Variants in NLRP13 observed in about 807,000 individuals in gnomAD.
The protein encoded by NLRP13 is NLR family pyrin domain containing 13.
In NLRP13, 82 loss-of-function variants were observed where a neutral mutation model predicts 94.4. The observed-to-expected ratio is 0.87, with a 90% CI of 0.73 to 1.04. The LOEUF is 1.04. Among genes scored for constraint, NLRP13 ranks in the 50% least tolerant of loss-of-function variants. The pLI is 0.00. For missense variants in NLRP13, 1,426 were observed against 1,230.8 expected, an observed-to-expected ratio of 1.16 and a Z score of -2.37; for synonymous variants, 553 against 464.7, an observed-to-expected ratio of 1.19 and a Z score of -2.45.
intron 4 of NLRP13, among the ~76,000 whole-genome samples, chr19:55,913,791 C>T (rs1043553975): frequency 5.3e-5 from 8 of 151,836 alleles, no homozygotes; most frequent in African/African-American, 1.9e-4. Context: ...AAGGTGAATG[C>T]CCACCCAGAA....
chr19:55,930,158 A>G (rs35125257), intron 1 of NLRP13, among the ~76,000 whole-genome samples: 27,990 of 151,938 alleles, frequency 0.18, 2,796 homozygotes, highest in African/African-American at 0.26. Context: ...CCTTCCTTAG[A>G]ACTCACTCAT....
chr19:55,912,799 G>A lies in NLRP13; in HGVS notation c.1018C>T (p.Pro340Ser), dbSNP rs749688788. The change falls in exon 5 of 11, where the codon CCA becomes TCA. Residue 340 changes from proline to serine, a missense_variant. Pro to Ser is a moderately conservative substitution (Grantham distance 74). Coordinates refer to ENST00000342929, the MANE Select transcript of NLRP13 (RefSeq NM_176810.2). ...AAGCTGTGTAGGATTTTGGTCACTG[G>A]GAGCTCCTGGTACCAGTCTGTACAT... ...SPCTDWYQEL[P>S]VTKILHSLLK... 2.5e-6 allele frequency: 4 copies of A among 1,614,080 alleles called. No individual in the cohort carries two copies. In the Admixed American group the frequency reaches 5.0e-5, roughly 20 times the overall value.
chr19:55,902,260 C>A, intron 8 of NLRP13, 55 bp from the exon 9 acceptor site: 1 of 1,547,630 alleles, frequency 6.5e-7, no homozygotes, highest in Non-Finnish European at 8.8e-7. Context: ...CAGACCCAGG[C>A]TCCTGGAACA....
intron 9 of NLRP13, among the ~76,000 whole-genome samples, chr19:55,900,430 G>A (rs1048164308): frequency 6.6e-6 from 1 of 152,174 alleles, no homozygotes; most frequent in African/African-American, 2.4e-5. Context: ...ATCTTAGAGG[G>A]AGAAATTAGT....
At chr19:55,917,453 A>C (rs1986700284) in intron 4 of NLRP13, among the ~76,000 whole-genome samples, 1 of 152,158 alleles carries the variant, frequency 6.6e-6, no homozygotes, top group Non-Finnish European at 1.5e-5. Context: ...ATATACATGG[A>C]TTAAATGCGC....
chr19:55,906,763 T>TG (rs1986365256), intron 7 of NLRP13, among the ~76,000 whole-genome samples: 1 of 147,908 alleles, frequency 6.8e-6, no homozygotes, highest in African/African-American at 2.5e-5. Context: ...GACCCCCCCC[T>TG]GCTCCATGAA....
intron 4 of NLRP13, among the ~76,000 whole-genome samples, chr19:55,923,336 G>A (rs185691075): frequency 8.5e-5 from 13 of 152,342 alleles, no homozygotes; most frequent in African/African-American, 3.1e-4. Context: ...GGCTGGGGGA[G>A]AGGGGGTTGC....
At position 55,911,718 on chromosome 19, in the gene NLRP13, A is replaced by C. The variant is rs775730443; in HGVS notation, c.2099T>G (p.Leu700Trp). ...TTGTAATACTCACTCCAGAATTTCC[A>C]AGTCCCTTTCAAGGATGTGACTGCT... ...SVSSHILERDLEILETSKFDS... is the reference protein window; with the variant it reads ...SVSSHILERDWEILETSKFDS... The change falls in exon 5 of 11, where the codon TTG becomes TGG. Residue 700 changes from leucine to tryptophan, a missense_variant. Physicochemically the swap from Leu to Trp is moderately conservative, Grantham distance 61 (BLOSUM62 -2). Coordinates refer to ENST00000342929, the MANE Select transcript of NLRP13 (RefSeq NM_176810.2). 1.3e-6 allele frequency: 2 copies of C among 1,599,078 alleles called. No individual in the cohort carries two copies. The highest frequency in any genetic ancestry group is 3.5e-5 in the Admixed American group (2 of 57,248).
intron 8 of NLRP13, among the ~76,000 whole-genome samples, chr19:55,903,431 C>T (rs1986245103): frequency 6.6e-6 from 1 of 152,086 alleles, no homozygotes; most frequent in Admixed American, 6.6e-5. Context: ...CCCTCTATTC[C>T]ACACCTGCAC....
chr19:55,898,866 A>G lies in NLRP13; in HGVS notation c.2861T>C (p.Val954Ala). The change falls in exon 10 of 11, where the codon GTG becomes GCG. Residue 954 changes from valine (V) to alanine (A), a missense_variant. Transcript: ENST00000342929. ...LANALSHNHN[V>A]KILDLGENDL... ...ATTTTCTCCCAAATCCAAGATTTTC[A>G]CATTATGATTATGGCTGAGGGCATT... 6.2e-7 allele frequency: 1 copy of G among 1,614,098 alleles called. No individual in the cohort carries two copies.
chr19:55,899,229 A>G (rs568304107), intron 9 of NLRP13, among the ~76,000 whole-genome samples: 2 of 152,258 alleles, frequency 1.3e-5, no homozygotes, highest in South Asian at 4.2e-4. Context: ...CAGCACCCAG[A>G]GTTGGCTTGG....
In NLRP13 at chr19:55,926,761, A is replaced by T. The variant is rs867746320; in HGVS notation, c.320-1726T>A. ...CTTGTCTTAAAGGTCCCCCCAAAAA[A>T]ATGCTTTACTGGGAAATGATTCCTA... On this transcript the variant is annotated intron_variant, in intron 1 of 10. Transcript: ENST00000342929. Among the ~76,000 whole-genome samples the T allele has an allele frequency of 6.6e-5, 10 of 152,288 alleles. No individual in the cohort carries two copies. The Middle Eastern group carries it at 0.01, about 155-fold the overall frequency.
At chr19:55,896,166 G>A (rs1986003344) in intron 10 of NLRP13, 47 bp from the exon 11 acceptor site, 1 of 1,590,576 alleles carries the variant, frequency 6.3e-7, no homozygotes, top group Non-Finnish European at 8.6e-7. Flanking sequence ...CTCTGAGACT[G>A]GGAAGTTAGA....
chr19:55,898,679 C>T, intron 10 of NLRP13, 91 bp downstream of exon 10: 3 of 1,326,258 alleles, frequency 2.3e-6, no homozygotes, highest in Non-Finnish European at 3.1e-6. Context: ...TACTTTGCCT[C>T]ACTTTCTAAC....
chr19:55,908,850 T>TACA (rs1986425229), intron 6 of NLRP13, among the ~76,000 whole-genome samples: 1 of 152,150 alleles, frequency 6.6e-6, no homozygotes, highest in Non-Finnish European at 1.5e-5. Flanking sequence ...AAATAATCTG[T>TACA]ACAACAAACC....
At chr19:55,925,676 T>C (rs946161020) in intron 1 of NLRP13, among the ~76,000 whole-genome samples, 1 of 152,184 alleles carries the variant, frequency 6.6e-6, no homozygotes, top group Non-Finnish European at 1.5e-5. Context: ...AGAAGACCTC[T>C]TCTATAACTC....
At chr19:55,897,585 G>A (rs912375873) in intron 10 of NLRP13, among the ~76,000 whole-genome samples, 26 of 152,186 alleles carry the variant, frequency 1.7e-4, no homozygotes, top group Non-Finnish European at 2.8e-4. Context: ...AGTTCAGTAA[G>A]TTGCTTCGTT....
Position 55,924,583 on chromosome 19 carries a change from T to C in NLRP13, c.457+7A>G, listed in dbSNP as rs763722483. 14 of 1,608,404 alleles carry C rather than the reference T, an allele frequency of 8.7e-6. No individual in the cohort carries two copies. The highest frequency in any genetic ancestry group is 8.3e-5 in the Admixed American group (5 of 59,990). The stretch of plus-strand genomic sequence containing the variant: ...CCTGTCAATTATCAACCAAGTAATG[T>C]ACACACCTGTTTCTTCTTCTAGCTC... On this transcript the variant is annotated splice_region_variant and intron_variant, in intron 3 of 10. Coordinates refer to ENST00000342929, the MANE Select transcript of NLRP13 (RefSeq NM_176810.2).
intron 1 of NLRP13, 105 bp from the exon 2 acceptor site, chr19:55,925,140 G>A (rs1568446559): frequency 1.0e-6 from 1 of 1,004,778 alleles, no homozygotes; most frequent in Non-Finnish European, 1.6e-6. Flanking sequence ...ACAAACTGGA[G>A]TTTGAAGGTC....
Sources: gnomAD v4.1 joint callset for allele counts (sites outside exome capture counted in the v4.1 genomes callset) on GRCh38, gnomAD v4.1.1 for gene constraint, MANE v1.5 for transcripts, NCBI Gene and HGNC (gene_info 2026-07-23, HGNC 2026-07-21) for gene names.